The following CXorf38 variants were observed in gnomAD, a reference collection of about 807,000 sequenced individuals.
CXorf38 encodes uncharacterized protein CXorf38.
CXorf38 carries 13 observed loss-of-function variants against 27.5 expected under a neutral mutation model. The observed-to-expected ratio is 0.47, with a 90% confidence interval of 0.31 to 0.75. The LOEUF (loss-of-function observed/expected upper bound fraction) is 0.75, where lower values mean the gene tolerates loss of function less well. Ranked by LOEUF, CXorf38 falls within the 30% of genes least tolerant of loss-of-function variation. The pLI is 0.05. For synonymous variants in CXorf38, 100 were observed against 99.8 expected, an observed-to-expected ratio of 1.00 and a Z score of -0.01; for missense variants, 240 against 253.2, an observed-to-expected ratio of 0.95 and a Z score of 0.35.
intron 2 of CXorf38, among the ~76,000 whole-genome samples, chrX:40,642,085 G>C (rs1489283969): frequency 9.0e-6 from 1 of 111,349 alleles, no homozygotes; most frequent in Non-Finnish European, 1.9e-5. Flanking sequence ...GAGCAGCAGA[G>C]GCCTGGTAGG....
chrX:40,631,021 G>A (rs1173132626), intron 5 of CXorf38, among the ~76,000 whole-genome samples: 1 of 110,532 alleles, frequency 9.0e-6, no homozygotes, highest in Non-Finnish European at 1.9e-5. Flanking sequence ...GGGTACACAA[G>A]GGAATATTTG....
chrX:40,635,047 T>C (rs746331588), intron 5 of CXorf38, among the ~76,000 whole-genome samples: 9 of 112,475 alleles, frequency 8.0e-5, no homozygotes, highest in Non-Finnish European at 1.5e-4. Context: ...TGCAAGCTCC[T>C]TGGGGCCCTT....
In CXorf38 at chrX:40,627,575, T is replaced by C. The variant is rs1602414380; in HGVS notation, c.*2589A>G. 8.9e-6 allele frequency: 1 copy of C among 112,393 alleles called. No individual in the cohort carries two copies. Among genetic ancestry groups the C allele is most frequent in the East Asian group, 2.8e-4 (1 of 3,583 alleles). The allele number at this position is 112,393 out of a possible 1,213,427, so 9.3% of individuals were successfully genotyped here. A position where few individuals can be genotyped will look rare whatever the true frequency, so the allele number is the denominator to read the frequency against. The stretch of plus-strand genomic sequence containing the variant: ...CCACAGTGCAGCATCGCTTCATTCT[T>C]TCCAACAGTTGCATAAGATCCTGTA... On this transcript the variant is annotated 3_prime_UTR_variant, in exon 7 of 7. Coordinates refer to ENST00000327877, the MANE Select transcript of CXorf38 (RefSeq NM_144970.3).
chrX:40,646,778 G>A (rs1928600994), intron 2 of CXorf38, among the ~76,000 whole-genome samples: 1 of 111,275 alleles, frequency 9.0e-6, no homozygotes, highest in African/African-American at 3.3e-5. Context: ...AACTTTCCAA[G>A]CAGGGGTAAC....
intron 5 of CXorf38, 35 bp from the exon 6 acceptor site, chrX:40,630,808 C>T (rs550356447): frequency 6.3e-5 from 73 of 1,166,636 alleles, no homozygotes; most frequent in South Asian, 4.2e-4. Context: ...ACAGCTTAGA[C>T]GATTTTATAG....
chrX:40,639,853 GC>G (rs1262371019), intron 2 of CXorf38: 2 of 127,722 alleles, frequency 1.6e-5, no homozygotes, highest in African/African-American at 6.7e-5. Flanking sequence ...TGCCAGAAGG[GC>G]CTCAAGCTAG....
intron 5 of CXorf38, among the ~76,000 whole-genome samples, chrX:40,632,302 G>A (rs1927855501): frequency 9.0e-6 from 1 of 111,704 alleles, no homozygotes; most frequent in Non-Finnish European, 1.9e-5. Flanking sequence ...AGGAACGGTG[G>A]TCCTTGTGCT....
chrX:40,632,942 A>C (rs781001225), intron 5 of CXorf38, among the ~76,000 whole-genome samples: 1 of 112,192 alleles, frequency 8.9e-6, no homozygotes, highest in Non-Finnish European at 1.9e-5. Context: ...ATTTACTGAC[A>C]GTCTACTACA....
chrX:40,633,944 G>A (rs999579592), intron 5 of CXorf38, among the ~76,000 whole-genome samples: 2 of 110,784 alleles, frequency 1.8e-5, no homozygotes, highest in African/African-American at 6.6e-5. Flanking sequence ...GCCCATGGCC[G>A]ACACAAACTC....
Position 40,647,397 on chromosome X carries a change from A to C in CXorf38, c.124T>G (p.Ser42Ala). ...GCGGCGAGTAGGCCGCGGTGGAAGG[A>C]GAGCACCTCGCGGCCGACGAAACCC... ...LQGFVGREVL[S>A]FHRGLLAAAP... Residue 42 changes from serine to alanine, a missense_variant, in exon 1 of 7, where the codon TCC becomes GCC. Physicochemically the swap from Ser to Ala is moderately conservative, Grantham distance 99. Coordinates refer to ENST00000327877, the MANE Select transcript of CXorf38 (RefSeq NM_144970.3). 1 of 1,185,105 alleles carries C rather than the reference A, an allele frequency of 8.4e-7. No homozygotes were observed. The highest frequency in any genetic ancestry group is 1.1e-6 in the Non-Finnish European group (1 of 886,452).
intron 5 of CXorf38, among the ~76,000 whole-genome samples, chrX:40,633,941 G>T (rs1927944449): frequency 9.0e-6 from 1 of 110,876 alleles, no homozygotes; most frequent in Admixed American, 9.6e-5. Context: ...TGAGCCCATG[G>T]CCGACACAAA....
At position 40,647,248 on chromosome X, in the gene CXorf38, G is replaced by C. The variant is rs775344515; in HGVS notation, c.216+57C>G. 6.2e-6 allele frequency: 7 copies of C among 1,122,178 alleles called. No individual in the cohort carries two copies. The South Asian group carries it at 6.6e-5, about 11-fold the overall frequency. The allele number at this position is 1,122,178 out of a possible 1,213,427, so 92.5% of individuals were successfully genotyped here. A position where few individuals can be genotyped will look rare whatever the true frequency, so the allele number is the denominator to read the frequency against. Reference sequence around the variant, plus strand: ...TGCGCTCTGGGTCTGGGACAGGAACGGGGATGAGGAGGGGTGGGGTGGGGG... The same window carrying C: ...TGCGCTCTGGGTCTGGGACAGGAACCGGGATGAGGAGGGGTGGGGTGGGGG... On this transcript the variant is annotated intron_variant, in intron 1 of 6. Transcript: ENST00000327877.
intron 6 of CXorf38, 161 bp from the exon 7 acceptor site, chrX:40,630,323 T>C: frequency 4.9e-6 from 1 of 204,088 alleles, no homozygotes; most frequent in Non-Finnish European, 9.0e-6. Flanking sequence ...GGTGTCATTT[T>C]AAGGCAGAAA....
chrX:40,632,798 T>C (rs1927884716), intron 5 of CXorf38, among the ~76,000 whole-genome samples: 1 of 111,645 alleles, frequency 9.0e-6, no homozygotes, highest in Non-Finnish European at 1.9e-5. Flanking sequence ...TACTTTTAGG[T>C]ATACAAATTA....
chrX:40,637,228 G>A, intron 3 of CXorf38, 72 bp from the exon 4 acceptor site: 1 of 772,675 alleles, frequency 1.3e-6, no homozygotes, highest in Non-Finnish European at 1.8e-6. Flanking sequence ...TCACTCCAAA[G>A]AAAAAATCAT....
At chrX:40,638,824 C>T (rs193220627) in intron 3 of CXorf38, among the ~76,000 whole-genome samples, 185 bp downstream of exon 3, 1 of 111,922 alleles carries the variant, frequency 8.9e-6, no homozygotes, top group Non-Finnish European at 1.9e-5. Flanking sequence ...ATGAGCCACA[C>T]TAGTTTGCTT....
Position 40,629,411 on chromosome X carries a change from T to C in CXorf38, c.*753A>G, listed in dbSNP as rs1927665966. On this transcript the variant is annotated 3_prime_UTR_variant, in exon 7 of 7. Coordinates refer to ENST00000327877, the MANE Select transcript of CXorf38 (RefSeq NM_144970.3). The stretch of plus-strand genomic sequence containing the variant: ...AATATTTCTTTCCTATCCCAACATT[T>C]ATATCCCAGCCCAGCCTTGGGGATC... The C allele has an allele frequency of 8.9e-6, 1 of 112,107 alleles. No individual in the cohort carries two copies. The highest frequency in any genetic ancestry group is 3.2e-5 in the African/African-American group (1 of 30,844). The allele number at this position is 112,107 out of a possible 1,213,427, so 9.2% of individuals were successfully genotyped here.
rs756924242 is a variant in CXorf38 at position 40,647,442 on chromosome X, G to A, written c.79C>T (p.Leu27=). Residue 27 remains leucine, a synonymous_variant, in exon 1 of 7, where the codon CTG becomes TTG. Coordinates refer to ENST00000327877, the MANE Select transcript of CXorf38 (RefSeq NM_144970.3). ...AAACCCTGCAGGCAGCTGCGCAGCA[G>A]TAACAGGCAGTGGCCCGCCTTCACC... The part of the protein sequence containing the change: ...NWVKAGHCLL[L]LRSCLQGFVG... The A allele has an allele frequency of 3.3e-6, 4 of 1,195,718 alleles. No individual in the cohort carries two copies. The highest frequency in any genetic ancestry group is 4.5e-6 in the Non-Finnish European group (4 of 890,058).
At chrX:40,639,865 C>T (rs1261352550) in intron 2 of CXorf38, 1 of 123,632 alleles carries the variant, frequency 8.1e-6, no homozygotes, top group Non-Finnish European at 1.6e-5. Context: ...CTCAAGCTAG[C>T]AGGATCTTGC....
Sources: allele counts gnomAD v4.1 joint callset (sites outside exome capture counted in the v4.1 genomes callset), GRCh38; gene constraint gnomAD v4.1.1; transcripts MANE v1.5; gene names NCBI Gene and HGNC (gene_info 2026-07-23, HGNC 2026-07-21).